Variants in IGSF3 observed in about 807,000 individuals in gnomAD.
IGSF3 encodes the protein glu-Trp-Ile EWI motif-containing protein 3.
Under a neutral mutation model 114.4 loss-of-function variants are expected in IGSF3, and 23 were observed. That is an observed-to-expected ratio of 0.20 (90% CI 0.14 to 0.28). IGSF3 has a LOEUF of 0.28. Among genes scored for constraint, IGSF3 ranks in the 10% least tolerant of loss-of-function variants. IGSF3 has a pLI of 1.00. For synonymous variants in IGSF3, 571 were observed against 645.2 expected, an observed-to-expected ratio of 0.88 and a Z score of 1.74; for missense variants, 1,172 against 1,591.5, an observed-to-expected ratio of 0.74 and a Z score of 4.48.
chr1:116,635,223 A>AT (rs369900556), intron 2 of IGSF3, among the ~76,000 whole-genome samples: 17 of 152,140 alleles, frequency 1.1e-4, no homozygotes, highest in Non-Finnish European at 1.5e-5. Context: ...ATTCTCACTG[A>AT]TTTTTTGCCA....
intron 4 of IGSF3, 41 bp downstream of exon 4, chr1:116,613,724 C>T (rs771963760): frequency 1.3e-6 from 2 of 1,570,510 alleles, no homozygotes; most frequent in South Asian, 1.1e-5. Context: ...CAGCCTTCAC[C>T]ACCAAGTAAA....
At chr1:116,663,897 G>T (rs543834077) in intron 2 of IGSF3, among the ~76,000 whole-genome samples, 34 of 152,238 alleles carry the variant, frequency 2.2e-4, no homozygotes, top group African/African-American at 7.5e-4. Flanking sequence ...ACCTATATGG[G>T]CTTAAAACCT....
In IGSF3 at chr1:116,588,243, T is replaced by A. The variant is rs1659937562; in HGVS notation, c.2440+451A>T. 6.6e-6 allele frequency among the ~76,000 whole-genome samples: 1 copy of A among 152,102 alleles called. No individual in the cohort carries two copies. Among genetic ancestry groups the A allele is most frequent in the Non-Finnish European group, 1.5e-5 (1 of 68,008 alleles). On this transcript the variant is annotated intron_variant, in intron 8 of 10. Transcript: ENST00000369486. This position sits in a 1 kb window ranked among gnomAD's most constrained non-coding sequence, Gnocchi z 4.9. ...ATTCAGTTTGGAGATAGGAAAGGCT[T>A]GTCTGGGCGGGCTGGGAGCTAAGGA...
chr1:116,646,739 C>A (rs1310146392), intron 2 of IGSF3: 1 of 152,238 alleles, frequency 6.6e-6, no homozygotes, highest in African/African-American at 2.4e-5. Flanking sequence ...CCGGCTACAG[C>A]CAGGACAGCC....
At position 116,608,296 on chromosome 1, in the gene IGSF3, G is replaced by T. The variant is rs78612004; in HGVS notation, c.868C>A (p.Arg290=). Residue 290 remains arginine (R), a synonymous_variant, in exon 5 of 11, where the codon CGG becomes AGG. Transcript: ENST00000369486. ...EFTVRLETEK[R]LHTVGEPVEF... ...ACCGGCTCGCCCACCGTGTGCAGCCGCTTCTCTGTCTCCAGCCGAACAGTG... is the reference window on the plus strand; with the variant it reads ...ACCGGCTCGCCCACCGTGTGCAGCCTCTTCTCTGTCTCCAGCCGAACAGTG... 1.7e-3 allele frequency: 2,701 copies of T among 1,613,434 alleles called. 69 individuals are homozygous for T. In the East Asian group the frequency reaches 0.057, roughly 34 times the overall value.
chr1:116,607,263 T>C lies in IGSF3; in HGVS notation c.1222+679A>G, dbSNP rs1660824745. Among the ~76,000 whole-genome samples the C allele has an allele frequency of 6.6e-6, 1 of 152,160 alleles. No individual in the cohort carries two copies. The highest frequency in any genetic ancestry group is 6.5e-5 in the Admixed American group (1 of 15,274). On this transcript the variant is annotated intron_variant, in intron 5 of 10. Coordinates refer to ENST00000369486, the MANE Select transcript of IGSF3 (RefSeq NM_001007237.3). This position sits in a 1 kb window ranked among gnomAD's most constrained non-coding sequence, Gnocchi z 6.1. ...ACAACACAAGCAAACACCAGTAGTT[T>C]CTGGAATCCCTAGCAATGGCCACTA... is the stretch of plus-strand genomic sequence containing the variant.
intron 7 of IGSF3, among the ~76,000 whole-genome samples, chr1:116,599,421 A>ACACACAC (rs1324496523): frequency 7.8e-6 from 1 of 128,470 alleles, no homozygotes; most frequent in African/African-American, 3.4e-5. Context: ...CACACACACA[A>ACACACAC]ACACACAGGT....
rs1241204303 is a variant in IGSF3 at position 116,618,979 on chromosome 1, A to AC, written c.44-2523dup. ...GCTTTAAAGAACTAACAGTGCCTGGACCCCACCTGACATAACTGGTCTTAG... is the reference window on the plus strand; with the variant it reads ...GCTTTAAAGAACTAACAGTGCCTGGACCCCCACCTGACATAACTGGTCTTAG... On this transcript the variant is annotated intron_variant, in intron 2 of 10. Coordinates refer to ENST00000369486, the MANE Select transcript of IGSF3 (RefSeq NM_001007237.3). The surrounding 1 kb of genome is among the most constrained non-coding windows in gnomAD (Gnocchi z 4.7). Among the ~76,000 whole-genome samples, 1 of 152,100 alleles carries AC rather than the reference A, an allele frequency of 6.6e-6. No homozygotes were observed. The highest frequency in any genetic ancestry group is 1.5e-5 in the Non-Finnish European group (1 of 68,008).
At position 116,598,147 on chromosome 1, in the gene IGSF3, A is replaced by G. The variant is rs1475467680; in HGVS notation, c.2029+1794T>C. Among the ~76,000 whole-genome samples the G allele has an allele frequency of 3.3e-5, 5 of 152,212 alleles. No individual in the cohort carries two copies. Among genetic ancestry groups the G allele is most frequent in the African/African-American group, 1.2e-4 (5 of 41,456 alleles). On this transcript the variant is annotated intron_variant, in intron 7 of 10. Transcript: ENST00000369486. This position sits in a 1 kb window ranked among gnomAD's most constrained non-coding sequence, Gnocchi z 4.3. ...AGGCAAATACTAGGGATGTATTCAA[A>G]AAGGCAATGTCAGACAAGGTCTTGA... is the stretch of plus-strand genomic sequence containing the variant.
At chr1:116,580,775 G>A (rs1659569930) in intron 9 of IGSF3, among the ~76,000 whole-genome samples, 1 of 152,212 alleles carries the variant, frequency 6.6e-6, no homozygotes, top group Non-Finnish European at 1.5e-5. Context: ...GTGTCCTTAT[G>A]AGCACAGGAG....
intron 9 of IGSF3, among the ~76,000 whole-genome samples, chr1:116,580,142 A>G (rs1206674576): frequency 1.3e-5 from 2 of 152,250 alleles, no homozygotes; most frequent in Non-Finnish European, 2.9e-5. Flanking sequence ...TCTGCATAAA[A>G]TATCTGTGGA....
chr1:116,652,017 C>T (rs965367721), intron 2 of IGSF3, among the ~76,000 whole-genome samples: 1 of 152,148 alleles, frequency 6.6e-6, no homozygotes, highest in Non-Finnish European at 1.5e-5. Flanking sequence ...CAGACAATTG[C>T]ATGTGCTATG....
rs745604385 is a variant in IGSF3 at position 116,604,012 on chromosome 1, G to A, written c.1236C>T (p.Ser412=). The A allele has an allele frequency of 1.8e-5, 29 of 1,606,008 alleles. No individual in the cohort carries two copies. The highest frequency in any genetic ancestry group is 1.8e-4 in the Middle Eastern group (1 of 5,594). The part of the protein sequence containing the change: ...IIVLPLKSSI[S]VEVASNASVI... Reference sequence around the variant, plus strand: ...CGCTGGCATTGCTGGCCACCTCCACGGAGATGCTGCTCTCTAGGAAGAGGG... The same window carrying A: ...CGCTGGCATTGCTGGCCACCTCCACAGAGATGCTGCTCTCTAGGAAGAGGG... Residue 412 remains serine, a synonymous_variant, in exon 6 of 11, where the codon TCC becomes TCT. Transcript: ENST00000369486.
At position 116,582,378 on chromosome 1, in the gene IGSF3, G is replaced by A. The variant is rs1659637188; in HGVS notation, c.2848+2267C>T. Among the ~76,000 whole-genome samples the A allele has an allele frequency of 6.6e-6, 1 of 152,208 alleles. No individual in the cohort carries two copies. The highest frequency in any genetic ancestry group is 6.5e-5 in the Admixed American group (1 of 15,282). ...CTGTGACCGCCAATTCCTGGCCTGT[G>A]TGTGATGATTGTGGTTTTCTCCCTT... On this transcript the variant is annotated intron_variant, in intron 9 of 10. Coordinates refer to ENST00000369486, the MANE Select transcript of IGSF3 (RefSeq NM_001007237.3). The surrounding 1 kb of genome is among the most constrained non-coding windows in gnomAD (Gnocchi z 4.7).
At position 116,649,925 on chromosome 1, in the gene IGSF3, A is replaced by G. The variant is rs1648561274; in HGVS notation, c.43+16359T>C. ...CACACCTGTCTTCACAGGTTTGCTC[A>G]TGCCACCATTCCTTTCCCCAGAACG... On this transcript the variant is annotated intron_variant, in intron 2 of 10. Coordinates refer to ENST00000369486, the MANE Select transcript of IGSF3 (RefSeq NM_001007237.3). The surrounding 1 kb of genome is among the most constrained non-coding windows in gnomAD (Gnocchi z 4.5). Among the ~76,000 whole-genome samples the G allele has an allele frequency of 6.6e-6, 1 of 152,146 alleles. No individual in the cohort carries two copies. The highest frequency in any genetic ancestry group is 2.4e-5 in the African/African-American group (1 of 41,432).
chr1:116,586,645 G>A (rs1051822985), intron 8 of IGSF3, among the ~76,000 whole-genome samples: 2 of 152,144 alleles, frequency 1.3e-5, no homozygotes, highest in Admixed American at 6.5e-5. Context: ...TAGCTTGATT[G>A]TAGTCTCAGA....
intron 6 of IGSF3, among the ~76,000 whole-genome samples, chr1:116,601,351 A>C (rs1660580262): frequency 6.6e-6 from 1 of 152,224 alleles, no homozygotes; most frequent in East Asian, 1.9e-4. Context: ...AGCATAACAC[A>C]GTGGTTAAAG....
rs960967813 is a variant in IGSF3, at chr1:116,634,406, C to T, written c.44-17949G>A. Among the ~76,000 whole-genome samples, 6 of 152,160 alleles carry T rather than the reference C, an allele frequency of 3.9e-5. No homozygotes were observed. The highest frequency in any genetic ancestry group is 8.8e-5 in the Non-Finnish European group (6 of 68,026). On this transcript the variant is annotated intron_variant, in intron 2 of 10. Coordinates refer to ENST00000369486, the MANE Select transcript of IGSF3 (RefSeq NM_001007237.3). This position sits in a 1 kb window ranked among gnomAD's most constrained non-coding sequence, Gnocchi z 4.2. ...ACCCCACTTCTTTCCCATCCTCACT[C>T]GTTCACATCTGCCTTGGAGCACCCA...
Position 116,614,269 on chromosome 1 carries a change from AC to A in IGSF3, c.422-95del. 1 of 983,756 alleles carries A rather than the reference AC, an allele frequency of 1.0e-6. No individual in the cohort carries two copies. Among genetic ancestry groups the A allele is most frequent in the South Asian group, 1.5e-5 (1 of 67,232 alleles). The allele number at this position is 983,756 out of a possible 1,614,324, so 60.9% of individuals were successfully genotyped here. A position where few individuals can be genotyped will look rare whatever the true frequency, so the allele number is the denominator to read the frequency against. On this transcript the variant is annotated intron_variant, in intron 3 of 10. Coordinates refer to ENST00000369486, the MANE Select transcript of IGSF3 (RefSeq NM_001007237.3). The surrounding 1 kb of genome is among the most constrained non-coding windows in gnomAD (Gnocchi z 4.5). ...TCCCATTCCACGCAGGCGTCACTGCACTGCGCCCCTAACAGTCATCCTTGAA... is the reference window on the plus strand; with the variant it reads ...TCCCATTCCACGCAGGCGTCACTGCATGCGCCCCTAACAGTCATCCTTGAA...
Sources: gnomAD v4.1 joint callset for allele counts (sites outside exome capture counted in the v4.1 genomes callset) on GRCh38, gnomAD v4.1.1 for gene constraint, Gnocchi (gnomAD v3.1) non-coding constraint, MANE v1.5 for transcripts, NCBI Gene and HGNC (gene_info 2026-07-23, HGNC 2026-07-21) for gene names.